CREB5: variants seen among roughly 807,000 people sequenced by gnomAD.
The protein encoded by CREB5 is cyclic AMP-responsive element-binding protein 5.
In CREB5, 19 loss-of-function variants were observed where a neutral mutation model predicts 57.1. That is an observed-to-expected ratio of 0.33 (90% CI 0.23 to 0.49). The LOEUF is 0.49. Among genes scored for constraint, CREB5 ranks in the 20% least tolerant of loss-of-function variants. The pLI is 0.99. For missense variants in CREB5, 579 were observed against 671.6 expected, an observed-to-expected ratio of 0.86 and a Z score of 1.52; for synonymous variants, 238 against 238.3, an observed-to-expected ratio of 1.00 and a Z score of 0.01.
At chr7:28,477,012 C>G (rs17156762) in intron 1 of CREB5, among the ~76,000 whole-genome samples, 44 of 152,218 alleles carry the variant, frequency 2.9e-4, no homozygotes, top group African/African-American at 1.0e-3. Flanking sequence ...TTGTGCCAAG[C>G]CTTCATTCTC....
intron 1 of CREB5, among the ~76,000 whole-genome samples, chr7:28,348,396 TGTCTCTCTCTCTCACACACACA>T (rs761387533): frequency 3.8e-4 from 40 of 106,064 alleles, no homozygotes; most frequent in African/African-American, 4.1e-4. Flanking sequence ...TCTCTCTCTC[TGTCTCTCTCTCTCACACACACA>T]CACACACACA....
At chr7:28,430,173 G>A (rs888247712) in intron 1 of CREB5, among the ~76,000 whole-genome samples, 8 of 152,206 alleles carry the variant, frequency 5.3e-5, no homozygotes, top group Non-Finnish European at 1.2e-4. Flanking sequence ...CATTACACAT[G>A]TATGTACAGA....
At position 28,339,367 on chromosome 7, in the gene CREB5, C is replaced by T. The variant is rs1207849220; in HGVS notation, c.-25+39926C>T. On this transcript the variant is annotated intron_variant, in intron 1 of 9. Transcript: ENST00000396299. ...GGGACACTCAAGCCCAGTAACACTACGATTCTTGCAGACTTTTAGAGATAC... is the reference window on the plus strand; with the variant it reads ...GGGACACTCAAGCCCAGTAACACTATGATTCTTGCAGACTTTTAGAGATAC... Among the ~76,000 whole-genome samples the T allele has an allele frequency of 2.6e-5, 4 of 152,190 alleles. No individual in the cohort carries two copies. The East Asian group carries it at 5.8e-4, about 22-fold the overall frequency.
intron 1 of CREB5, among the ~76,000 whole-genome samples, chr7:28,363,041 A>G (rs1786521075): frequency 6.6e-6 from 1 of 152,210 alleles, no homozygotes; most frequent in Non-Finnish European, 1.5e-5. Flanking sequence ...TGTGCTAAGT[A>G]TAAGCTCAAC....
chr7:28,521,924 A>C (rs140099667), intron 4 of CREB5, among the ~76,000 whole-genome samples: 105 of 152,350 alleles, frequency 6.9e-4, no homozygotes, highest in Middle Eastern at 6.8e-3. Flanking sequence ...CCTGTTTTAT[A>C]CACATTTAGA....
At chr7:28,781,160 A>G (rs1806949429) in intron 7 of CREB5, among the ~76,000 whole-genome samples, 1 of 152,188 alleles carries the variant, frequency 6.6e-6, no homozygotes. Context: ...GACACTCTGG[A>G]GGATCCAGAG....
chr7:28,644,869 C>T (rs1040659975), intron 5 of CREB5, among the ~76,000 whole-genome samples: 1 of 152,130 alleles, frequency 6.6e-6, no homozygotes, highest in Non-Finnish European at 1.5e-5. Context: ...CTAGATTGCT[C>T]TTCCTTGAGA....
chr7:28,628,026 C>A (rs1251268454), intron 5 of CREB5, among the ~76,000 whole-genome samples: 3 of 152,026 alleles, frequency 2.0e-5, no homozygotes, highest in Admixed American at 6.6e-5. Context: ...AGCAGTAATG[C>A]CTCTCTTTTC....
chr7:28,500,081 GT>G (rs1330539077), intron 3 of CREB5, among the ~76,000 whole-genome samples: 3 of 152,216 alleles, frequency 2.0e-5, no homozygotes, highest in Non-Finnish European at 4.4e-5. Context: ...TACAATAAGT[GT>G]TAATTGCTGC....
In CREB5 at chr7:28,536,286, G is replaced by A. The variant is rs967212923; in HGVS notation, c.291+28549G>A. Among the ~76,000 whole-genome samples, 7 of 152,190 alleles carry A rather than the reference G, an allele frequency of 4.6e-5. 1 individual carries two copies. Among genetic ancestry groups the A allele is most frequent in the Middle Eastern group, 6.3e-3 (2 of 316 alleles). ...AGCGTGCCTTGGACTTCGCAGAGCC[G>A]TCTAACATTGCACCTGTGTTTCCTG... is the stretch of plus-strand genomic sequence containing the variant. On this transcript the variant is annotated intron_variant, in intron 4 of 10. Coordinates refer to ENST00000357727, the MANE Select transcript of CREB5 (RefSeq NM_182898.4).
intron 7 of CREB5, among the ~76,000 whole-genome samples, chr7:28,787,281 C>T (rs910617756): frequency 3.9e-5 from 6 of 152,186 alleles, no homozygotes; most frequent in Admixed American, 1.3e-4. Context: ...AATTACATAG[C>T]ACATGGGCTG....
At chr7:28,560,964 GT>G (rs1795217893) in intron 4 of CREB5, among the ~76,000 whole-genome samples, 1 of 61,750 alleles carries the variant, frequency 1.6e-5, no homozygotes, top group African/African-American at 6.7e-5. Context: ...GTGTGTGCGT[GT>G]GTGTGTGCGT....
upstream of CREB5, chr7:28,409,862 C>T (rs993882050): frequency 4.4e-6 from 2 of 453,492 alleles, no homozygotes; most frequent in Non-Finnish European, 8.9e-6. This position sits in a 1 kb window ranked among gnomAD's most constrained non-coding sequence, Gnocchi z 4.4. Context: ...ACGCGGGGAC[C>T]AGTTATGAAT....
At chr7:28,674,249 G>A (rs1431862905) in intron 5 of CREB5, among the ~76,000 whole-genome samples, 1 of 152,180 alleles carries the variant, frequency 6.6e-6, no homozygotes, top group Non-Finnish European at 1.5e-5. Context: ...TTAGGTAGAA[G>A]GAGGACTATT....
intron 5 of CREB5, among the ~76,000 whole-genome samples, chr7:28,711,361 C>T (rs1361329305): frequency 1.3e-5 from 2 of 152,204 alleles, no homozygotes; most frequent in African/African-American, 2.4e-5. Context: ...AGAGAGAATA[C>T]ATGTTTTAAT....
At chr7:28,744,611 G>A (rs1008088693) in intron 7 of CREB5, among the ~76,000 whole-genome samples, 3 of 152,040 alleles carry the variant, frequency 2.0e-5, no homozygotes, top group African/African-American at 4.8e-5. Context: ...GCCTCCCAAA[G>A]AGCTGGGATT....
At chr7:28,641,384 G>A (rs1019914038) in intron 5 of CREB5, among the ~76,000 whole-genome samples, 2 of 152,142 alleles carry the variant, frequency 1.3e-5, no homozygotes, top group African/African-American at 2.4e-5. Context: ...GCTGGACCCA[G>A]GCAGTCCCCT....
At chr7:28,450,330 T>C (rs931570825) in intron 1 of CREB5, among the ~76,000 whole-genome samples, 5 of 152,178 alleles carry the variant, frequency 3.3e-5, no homozygotes, top group African/African-American at 1.2e-4. Flanking sequence ...AATATGACAC[T>C]AGAAACAGCT....
At chr7:28,601,139 G>A (rs1218731863) in intron 5 of CREB5, among the ~76,000 whole-genome samples, 1 of 151,804 alleles carries the variant, frequency 6.6e-6, no homozygotes, top group Admixed American at 6.6e-5. Flanking sequence ...GGAGAAAGTT[G>A]GACCTTCCTT....
Sources: gnomAD v4.1 joint callset for allele counts (sites outside exome capture counted in the v4.1 genomes callset) on GRCh38, gnomAD v4.1.1 for gene constraint, Gnocchi (gnomAD v3.1) non-coding constraint, MANE v1.5 for transcripts, NCBI Gene and HGNC (gene_info 2026-07-23, HGNC 2026-07-21) for gene names.